Variants in ME1 observed in about 807,000 individuals in gnomAD.
ME1 encodes the protein NADP-dependent malic enzyme.
A neutral mutation model predicts 66.4 loss-of-function variants in ME1; 74 were observed. The observed-to-expected ratio is 1.11, with a 90% CI of 0.92 to 1.35. The LOEUF is 1.35. Ranked by LOEUF, ME1 falls within the 40% of genes most tolerant of loss-of-function variation. The pLI is 0.00. For missense variants in ME1, 750 were observed against 694.1 expected (o/e 1.08, Z -0.90); for synonymous variants, 251 against 235.6 (o/e 1.07, Z -0.60).
chr6:83,248,511 C>T (rs945635116), intron 7 of ME1, among the ~76,000 whole-genome samples: 2 of 152,124 alleles, frequency 1.3e-5, no homozygotes, highest in Non-Finnish European at 2.9e-5. Flanking sequence ...TCTGTGTCCC[C>T]ACCCAAATCT....
chr6:83,400,040 C>T (rs190527689), intron 2 of ME1, among the ~76,000 whole-genome samples: 31 of 152,328 alleles, frequency 2.0e-4, no homozygotes, highest in Non-Finnish European at 2.9e-5. Flanking sequence ...AATACACTTT[C>T]TTTCATTGAC....
intron 5 of ME1, among the ~76,000 whole-genome samples, chr6:83,323,234 A>G (rs950938929): frequency 1.3e-5 from 2 of 152,208 alleles, no homozygotes; most frequent in Non-Finnish European, 2.9e-5. Context: ...CATTATGAGG[A>G]AACTGTATCA....
At chr6:83,276,332 T>C (rs1767182812) in intron 6 of ME1, among the ~76,000 whole-genome samples, 1 of 152,208 alleles carries the variant, frequency 6.6e-6, no homozygotes. Context: ...AGCTAGCTGG[T>C]GAACTGCTGG....
chr6:83,272,385 C>A (rs1359367250), intron 6 of ME1, among the ~76,000 whole-genome samples: 1 of 151,846 alleles, frequency 6.6e-6, no homozygotes, highest in Non-Finnish European at 1.5e-5. Context: ...TTTAAAGATA[C>A]CAATTTCAAG....
Position 83,280,246 on chromosome 6 carries a change from C to G in ME1, c.705-26508G>C, listed in dbSNP as rs543562096. 1.5e-4 allele frequency among the ~76,000 whole-genome samples: 23 copies of G among 152,120 alleles called. No homozygotes were observed. In the South Asian group the frequency reaches 2.7e-3, roughly 18 times the overall value. On this transcript the variant is annotated intron_variant, in intron 6 of 13. Transcript: ENST00000369705. ...TCTTTTTCTCAACTGACCTAACAAC[C>G]ATTTTTTTAAAAAATAATAACAACA...
At chr6:83,404,138 C>T (rs779033467) in intron 2 of ME1, among the ~76,000 whole-genome samples, 1 of 152,082 alleles carries the variant, frequency 6.6e-6, no homozygotes, top group Non-Finnish European at 1.5e-5. Context: ...AAAAGCATTC[C>T]TATTTCTCTA....
intron 6 of ME1, among the ~76,000 whole-genome samples, chr6:83,264,440 C>T (rs944848732): frequency 6.6e-6 from 1 of 152,122 alleles, no homozygotes; most frequent in Non-Finnish European, 1.5e-5. Context: ...ATAGAAAATG[C>T]ACTTCCTAAA....
intron 6 of ME1, among the ~76,000 whole-genome samples, chr6:83,277,337 A>G (rs1454289748): frequency 6.6e-6 from 1 of 152,210 alleles, no homozygotes; most frequent in African/African-American, 2.4e-5. Context: ...CTGGGTATAA[A>G]TTCCTCAGCA....
chr6:83,307,310 T>C (rs1767842831), intron 6 of ME1, among the ~76,000 whole-genome samples: 1 of 152,020 alleles, frequency 6.6e-6, no homozygotes. Context: ...GTGAATCTGA[T>C]CTTTCTTTGG....
chr6:83,359,467 C>T (rs981745361), intron 3 of ME1, among the ~76,000 whole-genome samples: 76 of 151,884 alleles, frequency 5.0e-4, no homozygotes, highest in African/African-American at 1.7e-3. Context: ...AGAGTTGTAT[C>T]AGGCTGAATT....
In ME1 at chr6:83,231,486, G is replaced by T. The variant is rs1190081653; in HGVS notation, c.1027-2555C>A. On this transcript the variant is annotated intron_variant, in intron 9 of 13. Coordinates refer to ENST00000369705, the MANE Select transcript of ME1 (RefSeq NM_002395.6). ...GAAGCAAAAGACACACACACAAAAT[G>T]TCTCCCAAGTATGTTCTCTACCATT... is the stretch of plus-strand genomic sequence containing the variant. Among the ~76,000 whole-genome samples, 5 of 152,112 alleles carry T rather than the reference G, an allele frequency of 3.3e-5. No individual in the cohort carries two copies. The East Asian group carries it at 9.6e-4, about 29-fold the overall frequency.
At chr6:83,368,039 A>AAC (rs1769130667) in intron 3 of ME1, among the ~76,000 whole-genome samples, 1 of 152,102 alleles carries the variant, frequency 6.6e-6, no homozygotes, top group African/African-American at 2.4e-5. Flanking sequence ...GGTTAATTTC[A>AAC]ACACTGTTGT....
chr6:83,319,552 A>G (rs1467951752), intron 5 of ME1, among the ~76,000 whole-genome samples: 1 of 152,166 alleles, frequency 6.6e-6, no homozygotes, highest in Non-Finnish European at 1.5e-5. Flanking sequence ...AATGAAAATA[A>G]TTCTCTGGGT....
chr6:83,237,530 T>C (rs1256265835), intron 9 of ME1, among the ~76,000 whole-genome samples, 187 bp downstream of exon 9: 1 of 152,196 alleles, frequency 6.6e-6, no homozygotes, highest in Non-Finnish European at 1.5e-5. Context: ...AGATGGAATC[T>C]GTTCCTAAGT....
At chr6:83,320,944 T>C (rs1212178325) in intron 5 of ME1, among the ~76,000 whole-genome samples, 1 of 152,048 alleles carries the variant, frequency 6.6e-6, no homozygotes, top group Non-Finnish European at 1.5e-5. Context: ...GCATTTCCAA[T>C]TGAGGTACCC....
chr6:83,341,981 A>G (rs184782374), intron 5 of ME1, among the ~76,000 whole-genome samples: 5 of 152,250 alleles, frequency 3.3e-5, no homozygotes, highest in Middle Eastern at 3.4e-3. Flanking sequence ...CCAAGTCTTC[A>G]TTTGCACAGA....
chr6:83,415,108 C>A (rs1051905415), intron 1 of ME1, among the ~76,000 whole-genome samples: 1 of 152,118 alleles, frequency 6.6e-6, no homozygotes, highest in South Asian at 2.1e-4. Flanking sequence ...TGACAAAATC[C>A]TCTATGCCTA....
At chr6:83,223,713 C>A in intron 12 of ME1, 47 bp downstream of exon 12, 1 of 1,552,088 alleles carries the variant, frequency 6.4e-7, no homozygotes, top group Non-Finnish European at 8.9e-7. Context: ...AGGCTGAGCA[C>A]ACTTGGTATT....
At chr6:83,366,322 C>T (rs1292455986) in intron 3 of ME1, among the ~76,000 whole-genome samples, 1 of 152,200 alleles carries the variant, frequency 6.6e-6, no homozygotes, top group Non-Finnish European at 1.5e-5. Context: ...TCCTGACCCA[C>T]ATTCTCAATC....
Sources: allele counts gnomAD v4.1 joint callset (sites outside exome capture counted in the v4.1 genomes callset), GRCh38; gene constraint gnomAD v4.1.1; transcripts MANE v1.5; gene names NCBI Gene and HGNC (gene_info 2026-07-23, HGNC 2026-07-21).